The following ANKRD11 variants were observed in gnomAD, a reference collection of about 807,000 sequenced individuals.
ANKRD11 encodes the protein ankyrin repeat domain-containing protein 11.
A neutral mutation model predicts 195.7 loss-of-function variants in ANKRD11; 17 were observed. The ratio of observed to expected loss-of-function variants is 0.09; its 90% CI spans 0.06 to 0.13. ANKRD11 has a LOEUF of 0.13. Among genes scored for constraint, ANKRD11 ranks in the 10% least tolerant of loss-of-function variants. The pLI, the probability that ANKRD11 is intolerant of heterozygous loss-of-function variation, is 1.00. For synonymous variants in ANKRD11, 1,953 were observed against 1,528.1 expected, an observed-to-expected ratio of 1.28 and a Z score of -6.49; for missense variants, 3,735 against 3,566.1, an observed-to-expected ratio of 1.05 and a Z score of -1.21.
chr16:89,389,663 T>C (rs994160249), intron 2 of ANKRD11, among the ~76,000 whole-genome samples: 3 of 151,916 alleles, frequency 2.0e-5, no homozygotes, highest in African/African-American at 7.3e-5. Flanking sequence ...AGAAACGGCA[T>C]GTCAACAACT....
At chr16:89,321,478 C>CCGGGTGGGGAGCTG (rs2037323719) in intron 2 of ANKRD11, among the ~76,000 whole-genome samples, 1 of 145,834 alleles carries the variant, frequency 6.9e-6, no homozygotes, top group Non-Finnish European at 1.5e-5. Context: ...GACTGTGGGG[C>CCGGGTGGGGAGCTG]CGGGTGGGGA....
chr16:89,296,324 C>G (rs1010497976), intron 4 of ANKRD11, among the ~76,000 whole-genome samples: 1 of 152,174 alleles, frequency 6.6e-6, no homozygotes, highest in Admixed American at 6.5e-5. Flanking sequence ...CACCGTCTCC[C>G]TGCCCTGCTC....
intron 2 of ANKRD11, among the ~76,000 whole-genome samples, chr16:89,345,396 C>T (rs2038893754): frequency 6.6e-6 from 1 of 152,152 alleles, no homozygotes; most frequent in Admixed American, 6.5e-5. Flanking sequence ...GGTGGACGAA[C>T]GCTGGCTGCT....
intron 1 of ANKRD11, among the ~76,000 whole-genome samples, chr16:89,435,217 G>T (rs1394596687): frequency 6.6e-6 from 1 of 152,056 alleles, no homozygotes; most frequent in South Asian, 2.1e-4. Context: ...CTAGCTAAAG[G>T]TTTATAAACT....
chr16:89,471,164 C>G (rs938243011), intron 1 of ANKRD11, among the ~76,000 whole-genome samples: 1 of 151,666 alleles, frequency 6.6e-6, no homozygotes, highest in Non-Finnish European at 1.5e-5. Flanking sequence ...ATCAGCCTGA[C>G]AGCAGAGTGA....
At chr16:89,408,694 C>A (rs780507545) in intron 2 of ANKRD11, among the ~76,000 whole-genome samples, 13 of 152,084 alleles carry the variant, frequency 8.5e-5, no homozygotes, top group Middle Eastern at 3.4e-3. Context: ...AGCGCTAATA[C>A]AACCACCTCT....
chr16:89,310,317 G>C (rs2036541805), intron 3 of ANKRD11, among the ~76,000 whole-genome samples: 2 of 152,250 alleles, frequency 1.3e-5, no homozygotes, highest in African/African-American at 4.8e-5. Flanking sequence ...CTGCTACCAA[G>C]AGGAAGCACA....
At chr16:89,469,513 G>A (rs1597504931) in intron 1 of ANKRD11, among the ~76,000 whole-genome samples, 2 of 151,656 alleles carry the variant, frequency 1.3e-5, no homozygotes, top group Admixed American at 6.6e-5. Flanking sequence ...GTGAGCCACC[G>A]CACCTGGTTG....
chr16:89,455,833 G>T (rs969472234), intron 1 of ANKRD11, among the ~76,000 whole-genome samples: 2 of 152,112 alleles, frequency 1.3e-5, no homozygotes, highest in African/African-American at 4.8e-5. Flanking sequence ...TTCCTCAAAA[G>T]GTAAACACAG....
chr16:89,314,321 T>TA (rs1270076696), intron 3 of ANKRD11, among the ~76,000 whole-genome samples: 4 of 152,132 alleles, frequency 2.6e-5, no homozygotes, highest in Admixed American at 6.5e-5. Flanking sequence ...ACAGCTACCT[T>TA]ACTGGAAAAG....
chr16:89,287,194 GC>G (rs2151775512), intron 7 of ANKRD11: 1 of 1,019,122 alleles, frequency 9.8e-7, no homozygotes, highest in Admixed American at 2.7e-5. Flanking sequence ...ACACTCCTCG[GC>G]CCTCCTCTAA....
chr16:89,362,771 C>T (rs1008629312), intron 2 of ANKRD11, among the ~76,000 whole-genome samples: 1 of 152,340 alleles, frequency 6.6e-6, no homozygotes, highest in East Asian at 1.9e-4. Flanking sequence ...CATTAGGTCA[C>T]GGCCTGTTCC....
chr16:89,446,601 C>A (rs2043804081), intron 1 of ANKRD11, among the ~76,000 whole-genome samples: 1 of 152,086 alleles, frequency 6.6e-6, no homozygotes, highest in Admixed American at 6.5e-5. Flanking sequence ...GAGCCCCCGT[C>A]TCAAACAAAA....
chr16:89,330,751 T>A (rs1001391792), intron 2 of ANKRD11, among the ~76,000 whole-genome samples: 2 of 140,048 alleles, frequency 1.4e-5, no homozygotes, highest in African/African-American at 5.3e-5. Flanking sequence ...CTGTTCCTCC[T>A]CGGCGAGTTC....
intron 2 of ANKRD11, among the ~76,000 whole-genome samples, chr16:89,334,374 A>ACCT (rs2038238916): frequency 6.6e-6 from 1 of 151,676 alleles, no homozygotes; most frequent in East Asian, 1.9e-4. Flanking sequence ...AACAGAAACA[A>ACCT]CCTCCTCTCA....
In ANKRD11 at chr16:89,275,195, C is replaced by T. The variant is rs924000018; in HGVS notation, c.7471-4G>A. ...CCAGGGAGGGAGGGGGTGCGATCTA[C>T]AGGCAAAAGGTGAGTGTGGGGGGTC... is the stretch of plus-strand genomic sequence containing the variant. On this transcript the variant is annotated splice_polypyrimidine_tract_variant and splice_region_variant and intron_variant, in intron 9 of 12. Transcript: ENST00000301030. 9 of 1,603,918 alleles carry T rather than the reference C, an allele frequency of 5.6e-6. No homozygotes were observed. Among genetic ancestry groups the T allele is most frequent in the African/African-American group, 2.7e-5 (2 of 74,846 alleles).
At chr16:89,274,342 G>A (rs1324556120) in intron 11 of ANKRD11, among the ~76,000 whole-genome samples, 1 of 152,204 alleles carries the variant, frequency 6.6e-6, no homozygotes, top group Non-Finnish European at 1.5e-5. Flanking sequence ...GCACACCTGG[G>A]TGCCCGTGTT....
chr16:89,464,424 T>C (rs571092288), intron 1 of ANKRD11, among the ~76,000 whole-genome samples: 1 of 151,824 alleles, frequency 6.6e-6, no homozygotes, highest in South Asian at 2.1e-4. Flanking sequence ...CAGGCCAACA[T>C]GGTGAAACCT....
intron 4 of ANKRD11, chr16:89,300,638 T>C (rs1049024126): frequency 9.9e-6 from 5 of 503,364 alleles, no homozygotes; most frequent in African/African-American, 2.0e-5. Flanking sequence ...CTGTCTTCCC[T>C]CCAGGAATGG....
Sources: gnomAD v4.1 joint callset for allele counts (sites outside exome capture counted in the v4.1 genomes callset) on GRCh38, gnomAD v4.1.1 for gene constraint, MANE v1.5 for transcripts, NCBI Gene and HGNC (gene_info 2026-07-23, HGNC 2026-07-21) for gene names.